TBC1D8B: variants seen among roughly 807,000 people sequenced by gnomAD.
The protein encoded by TBC1D8B is RP11-321G1.1.
In TBC1D8B, 75 loss-of-function variants were observed where a neutral mutation model predicts 82.9. The ratio of observed to expected loss-of-function variants is 0.90; its 90% CI spans 0.75 to 1.10. The LOEUF is 1.10. Among genes scored for constraint, TBC1D8B ranks in the 50% least tolerant of loss-of-function variants. The probability of loss-of-function intolerance (pLI) is 0.00; values close to 1 mark genes in which losing one functional copy is unlikely to be tolerated. For synonymous variants in TBC1D8B, 276 were observed against 276.8 expected (o/e 1.00, Z 0.03); for missense variants, 794 against 796.9 (o/e 1.00, Z 0.04).
rs771860551 is a variant in TBC1D8B, at chrX:106,854,312, A to G, written c.2352+16A>G. Reference sequence around the variant, plus strand: ...ACAGAATGTGGTAAGTATGCAACCAATGAGGAAAAACCAGTTGGAGTAATT... The same window carrying G: ...ACAGAATGTGGTAAGTATGCAACCAGTGAGGAAAAACCAGTTGGAGTAATT... On this transcript the variant is annotated intron_variant, in intron 14 of 20. Transcript: ENST00000357242. The G allele has an allele frequency of 1.9e-6, 2 of 1,076,027 alleles. No homozygotes were observed. The highest frequency in any genetic ancestry group is 2.5e-6 in the Non-Finnish European group (2 of 805,637). 88.7% of individuals were successfully genotyped at this position (1,076,027 alleles called of 1,213,427 possible). A position where few individuals can be genotyped will look rare whatever the true frequency, so the allele number is the denominator to read the frequency against.
chrX:106,845,258 A>G (rs73531170), intron 10 of TBC1D8B, among the ~76,000 whole-genome samples: 6,809 of 109,559 alleles, frequency 0.062, 547 homozygotes, highest in African/African-American at 0.22. Flanking sequence ...TAATCTTTTC[A>G]AAGAACCAAC....
At chrX:106,830,359 A>C (rs1162202006) in intron 7 of TBC1D8B, among the ~76,000 whole-genome samples, 2 of 111,768 alleles carry the variant, frequency 1.8e-5, no homozygotes, top group East Asian at 5.7e-4. Flanking sequence ...ACTGTAAACT[A>C]GTTCAACCAT....
At chrX:106,840,563 G>A in intron 9 of TBC1D8B, 107 bp from the exon 10 acceptor site, 1 of 729,785 alleles carries the variant, frequency 1.4e-6, no homozygotes, top group South Asian at 2.7e-5. Flanking sequence ...AATCACTTAA[G>A]CATAAGGCTA....
chrX:106,852,873 G>T (rs1932619791), intron 12 of TBC1D8B, among the ~76,000 whole-genome samples: 1 of 111,664 alleles, frequency 9.0e-6, no homozygotes, highest in African/African-American at 3.3e-5. Context: ...CTCCAGCTTT[G>T]TTCTTTTGCC....
intron 7 of TBC1D8B, among the ~76,000 whole-genome samples, chrX:106,832,148 A>T (rs1254113194): frequency 9.0e-6 from 1 of 111,292 alleles, no homozygotes; most frequent in Admixed American, 9.6e-5. Flanking sequence ...AATCTCCAAG[A>T]GTCTAAATCA....
chrX:106,857,573 A>G (rs986319204), intron 14 of TBC1D8B, among the ~76,000 whole-genome samples: 2 of 111,249 alleles, frequency 1.8e-5, no homozygotes, highest in African/African-American at 6.5e-5. Context: ...CCCACCCTCC[A>G]TACTCATGTA....
In TBC1D8B at chrX:106,827,226, AG is replaced by A; in HGVS notation, c.1094del (p.Gly365GlufsTer17). On this transcript the variant is annotated frameshift_variant, in exon 7 of 21. Coordinates refer to ENST00000357242, the MANE Select transcript of TBC1D8B (RefSeq NM_017752.3). LOFTEE classifies it high-confidence loss of function. ...GCAAATCTGTCATCATTAGCATCAAAGGAAAAACAGCTTTTCGCTTCCATGA... is the reference window on the plus strand; with the variant it reads ...GCAAATCTGTCATCATTAGCATCAAAGAAAAACAGCTTTTCGCTTCCATGA... ...SSKSVIISIK[G>X]KTAFRFHEVK... The A allele has an allele frequency of 8.3e-7, 1 of 1,211,331 alleles. No homozygotes were observed. The highest frequency in any genetic ancestry group is 1.8e-5 in the South Asian group (1 of 56,976).
rs1440149033 is a variant in TBC1D8B at position 106,848,252 on chromosome X, G to C, written c.1786G>C (p.Val596Leu). The C allele has an allele frequency of 1.5e-5, 18 of 1,193,737 alleles. No homozygotes were observed. The highest frequency in any genetic ancestry group is 1.9e-5 in the Non-Finnish European group (17 of 885,180). Residue 596 changes from valine to leucine, a missense_variant, in exon 11 of 21, where the codon GTT becomes CTT. Val to Leu is a conservative substitution (Grantham distance 32). Transcript: ENST00000357242. ...AKEEEAFWLL[V>L]AVCERMLPDY... ...AGAGGAAGAAGCTTTTTGGCTTCTG[G>C]TTGCTGTATGTGAACGAATGTTGCC... is the stretch of plus-strand genomic sequence containing the variant.
chrX:106,811,524 G>A (rs1415044119), intron 1 of TBC1D8B, among the ~76,000 whole-genome samples: 1 of 111,294 alleles, frequency 9.0e-6, no homozygotes, highest in Non-Finnish European at 1.9e-5. Flanking sequence ...GTGAGACCTT[G>A]TCTCAAAATA....
At chrX:106,848,416 G>T in intron 11 of TBC1D8B, 113 bp downstream of exon 11, 1 of 455,418 alleles carries the variant, frequency 2.2e-6, no homozygotes. Context: ...AAGGACTGAT[G>T]GATTATGTTG....
At position 106,840,827 on chromosome X, in the gene TBC1D8B, T is replaced by C; in HGVS notation, c.1662T>C (p.Ala554=). 8.3e-7 allele frequency: 1 copy of C among 1,211,169 alleles called. No homozygotes were observed. Among genetic ancestry groups the C allele is most frequent in the Non-Finnish European group, 1.1e-6 (1 of 895,264 alleles). The stretch of plus-strand genomic sequence containing the variant: ...TTCAGAGTGATACTGGCATATCTGC[T>C]CTGAGAAGGGTACTCACAGCTTATG... ...PAFQSDTGIS[A]LRRVLTAYAY... is the part of the protein sequence containing the mutation. The change falls in exon 10 of 21, where the codon GCT becomes GCC. Residue 554 remains alanine (A), a synonymous_variant. Coordinates refer to ENST00000357242, the MANE Select transcript of TBC1D8B (RefSeq NM_017752.3).
chrX:106,832,050 A>G (rs1213961692), intron 7 of TBC1D8B, among the ~76,000 whole-genome samples: 1 of 111,501 alleles, frequency 9.0e-6, no homozygotes, highest in East Asian at 2.8e-4. Context: ...TTATAACTAC[A>G]CTTTTACTAA....
chrX:106,865,046 A>G (rs989556682), intron 14 of TBC1D8B, among the ~76,000 whole-genome samples: 1 of 111,701 alleles, frequency 9.0e-6, no homozygotes, highest in Non-Finnish European at 1.9e-5. Context: ...CTTAGATATC[A>G]TAATGATTGT....
At chrX:106,833,377 G>A (rs762938984) in intron 7 of TBC1D8B, among the ~76,000 whole-genome samples, 88 of 111,423 alleles carry the variant, frequency 7.9e-4, no homozygotes, top group Non-Finnish European at 1.3e-3. Context: ...TTTATTTGTC[G>A]TAAGTGTGAA....
At position 106,839,426 on chromosome X, in the gene TBC1D8B, C is replaced by T; in HGVS notation, c.1322C>T (p.Pro441Leu). The change falls in exon 8 of 21, where the codon CCT becomes CTT. Residue 441 changes from proline to leucine, a missense_variant. By Grantham distance (98) the Pro-to-Leu change is moderately conservative. Transcript: ENST00000357242. ...GAAGCCTTAATGACAGTATTTCACCCTCAGAATTTGGAGACTCTTAATTCT... is the reference window on the plus strand; with the variant it reads ...GAAGCCTTAATGACAGTATTTCACCTTCAGAATTTGGAGACTCTTAATTCT... ...NTEALMTVFH[P>L]QNLETLNSKM... is the part of the protein sequence containing the mutation. 1 of 1,162,259 alleles carries T rather than the reference C, an allele frequency of 8.6e-7. No homozygotes were observed. Among genetic ancestry groups the T allele is most frequent in the Non-Finnish European group, 1.2e-6 (1 of 869,159 alleles).
chrX:106,819,582 A>G (rs899285353), intron 2 of TBC1D8B, among the ~76,000 whole-genome samples: 2 of 111,079 alleles, frequency 1.8e-5, no homozygotes, highest in Admixed American at 9.6e-5. Flanking sequence ...TGGAACATTC[A>G]TATGTGTGAA....
chrX:106,829,877 G>A lies in TBC1D8B; in HGVS notation c.1203+2540G>A, dbSNP rs903316978. ...CCTAGGCGTTACCATTCAGTACATAGGCATGGGCAAGGACTTCATGTCTAA... is the reference window on the plus strand; with the variant it reads ...CCTAGGCGTTACCATTCAGTACATAAGCATGGGCAAGGACTTCATGTCTAA... On this transcript the variant is annotated intron_variant, in intron 7 of 20. Transcript: ENST00000357242. 6.3e-5 allele frequency: 7 copies of A among 110,759 alleles called. No homozygotes were observed. In the Admixed American group the frequency reaches 6.7e-4, roughly 11 times the overall value. The allele number at this position is 110,759 out of a possible 1,213,427, so 9.1% of individuals were successfully genotyped here. A position where few individuals can be genotyped will look rare whatever the true frequency, so the allele number is the denominator to read the frequency against.
rs1163208929 is a variant in TBC1D8B, at chrX:106,875,180, T to C, written c.*1215T>C. The C allele has an allele frequency of 9.0e-6, 1 of 111,577 alleles. No homozygotes were observed. The highest frequency in any genetic ancestry group is 2.8e-4 in the East Asian group (1 of 3,564). The allele number at this position is 111,577 out of a possible 1,213,427, so 9.2% of individuals were successfully genotyped here. ...CTACCAAGGACAATTTATTAATCAA[T>C]TGACTTAGAAAATAGGGGGAGAAAT... On this transcript the variant is annotated 3_prime_UTR_variant, in exon 21 of 21. Transcript: ENST00000357242.
At chrX:106,831,892 C>G (rs1932057570) in intron 7 of TBC1D8B, among the ~76,000 whole-genome samples, 1 of 110,847 alleles carries the variant, frequency 9.0e-6, no homozygotes, top group Non-Finnish European at 1.9e-5. Flanking sequence ...TTTATCTTAT[C>G]AATGATGAAG....
Sources: allele counts gnomAD v4.1 joint callset (sites outside exome capture counted in the v4.1 genomes callset), GRCh38; gene constraint gnomAD v4.1.1; transcripts MANE v1.5; gene names NCBI Gene and HGNC (gene_info 2026-07-23, HGNC 2026-07-21).